HBP1: variants seen among roughly 807,000 people sequenced by gnomAD.
HBP1 encodes HMG-box transcription factor 1, also known as HMG box-containing protein 1.
Under a neutral mutation model 62.6 loss-of-function variants are expected in HBP1, and 20 were observed. The observed-to-expected ratio is 0.32, with a 90% CI of 0.22 to 0.46. The LOEUF (loss-of-function observed/expected upper bound fraction) is 0.46. Ranked by LOEUF, HBP1 falls within the 20% of genes least tolerant of loss-of-function variation. The pLI, the probability that HBP1 is intolerant of heterozygous loss-of-function variation, is 1.00. For synonymous variants in HBP1, 232 were observed against 206.2 expected (o/e 1.12, Z -1.07); for missense variants, 480 against 611.8 (o/e 0.78, Z 2.27).
At chr7:107,169,847 G>A in intron 1 of HBP1, 2 of 985,600 alleles carry the variant, frequency 2.0e-6, no homozygotes, top group Non-Finnish European at 2.4e-6. Flanking sequence ...TGGCGAAAGA[G>A]GGTGGGGGAT....
At chr7:107,186,266 C>T (rs571154462) in intron 4 of HBP1, 95 bp from the exon 5 acceptor site, 4 of 723,378 alleles carry the variant, frequency 5.5e-6, no homozygotes, top group African/African-American at 1.8e-5. Context: ...AGTTATCCAC[C>T]TATAAGCATG....
chr7:107,191,061 G>A (rs142948553), intron 8 of HBP1, among the ~76,000 whole-genome samples: 1 of 152,248 alleles, frequency 6.6e-6, no homozygotes, highest in African/African-American at 2.4e-5. Context: ...GGGATTTAAA[G>A]ACTCATTCTT....
At chr7:107,185,703 T>A (rs549010980) in intron 3 of HBP1, 98 bp from the exon 4 acceptor site, 5 of 876,868 alleles carry the variant, frequency 5.7e-6, no homozygotes, top group Non-Finnish European at 9.0e-6. Flanking sequence ...GTGTTCAATG[T>A]AATAACATTG....
At chr7:107,182,232 T>C (rs905551235) in intron 2 of HBP1, 141 bp from the exon 3 acceptor site, 17 of 611,244 alleles carry the variant, frequency 2.8e-5, no homozygotes, top group African/African-American at 2.2e-4. Context: ...TTCCAGTCTG[T>C]GAACAGAATG....
intron 8 of HBP1, among the ~76,000 whole-genome samples, chr7:107,191,601 T>C (rs935927258): frequency 6.6e-6 from 1 of 152,198 alleles, no homozygotes; most frequent in African/African-American, 2.4e-5. Context: ...TCAATACTTA[T>C]TAACTGGAGA....
chr7:107,196,107 A>G lies in HBP1; in HGVS notation c.1341A>G (p.Lys447=). Residue 447 remains lysine, a synonymous_variant, in exon 9 of 11, where the codon AAA becomes AAG. Coordinates refer to ENST00000222574, the MANE Select transcript of HBP1 (RefSeq NM_012257.4). ...PMNAFMLFAK[K]YRVEYTQMYP... ...ATGCCTTCATGCTTTTTGCCAAAAAATACAGAGTTGAATATACTCAGATGT... is the reference window on the plus strand; with the variant it reads ...ATGCCTTCATGCTTTTTGCCAAAAAGTACAGAGTTGAATATACTCAGATGT... The G allele has an allele frequency of 1.2e-6, 2 of 1,612,052 alleles. No individual in the cohort carries two copies. Among genetic ancestry groups the G allele is most frequent in the Non-Finnish European group, 1.7e-6 (2 of 1,178,050 alleles).
At chr7:107,192,996 C>T (rs1797726300) in intron 8 of HBP1, 3 of 152,142 alleles carry the variant, frequency 2.0e-5, no homozygotes, top group South Asian at 2.1e-4. Context: ...AGCAAATTCT[C>T]GGGTCATGGT....
chr7:107,190,618 T>TA (rs140146388), intron 8 of HBP1, among the ~76,000 whole-genome samples: 3,025 of 152,330 alleles, frequency 0.02, 105 homozygotes, highest in African/African-American at 0.067. Context: ...CTTTGATAGT[T>TA]ACATTTAAAA....
chr7:107,190,072 C>G (rs76692371), intron 7 of HBP1, 101 bp from the exon 8 acceptor site: 2 of 807,022 alleles, frequency 2.5e-6, no homozygotes, highest in African/African-American at 3.5e-5. Flanking sequence ...TGAGACTTAG[C>G]AATAACATTT....
chr7:107,175,996 G>A (rs942022959), intron 1 of HBP1, among the ~76,000 whole-genome samples: 38 of 151,630 alleles, frequency 2.5e-4, no homozygotes, highest in Non-Finnish European at 5.0e-4. Flanking sequence ...GATTACAGGC[G>A]TGAGCCACCG....
chr7:107,177,331 T>C (rs370307576), intron 1 of HBP1, among the ~76,000 whole-genome samples: 2 of 152,156 alleles, frequency 1.3e-5, no homozygotes, highest in East Asian at 3.9e-4. Flanking sequence ...TGCTACACCA[T>C]AATAGTAGCA....
chr7:107,183,385 G>A (rs566955022), intron 3 of HBP1, among the ~76,000 whole-genome samples: 1 of 152,228 alleles, frequency 6.6e-6, no homozygotes, highest in Non-Finnish European at 1.5e-5. Context: ...AAACTTATTA[G>A]GTATGAAATC....
rs1797878181 is a variant in HBP1 at position 107,195,938 on chromosome 7, T to C, written c.1172T>C (p.Phe391Ser). 6.2e-7 allele frequency: 1 copy of C among 1,613,802 alleles called. No individual in the cohort carries two copies. The highest frequency in any genetic ancestry group is 8.5e-7 in the Non-Finnish European group (1 of 1,179,904). ...TGTGGAGGACCTGGTGGTCAAGACT[T>C]TGCAAGATCTGGATTCAGTAAAAAC... ...LSCGGPGGQD[F>S]ARSGFSKNCG... The change falls in exon 9 of 11, where the codon TTT becomes TCT. Residue 391 changes from phenylalanine to serine, a missense_variant. Physicochemically the swap from Phe to Ser is radical, Grantham distance 155. Transcript: ENST00000222574.
intron 7 of HBP1, 40 bp from the exon 8 acceptor site, chr7:107,190,124 GGTGCTTTCT>G (rs765547779): frequency 1.1e-4 from 153 of 1,432,510 alleles, no homozygotes; most frequent in Non-Finnish European, 1.3e-4. Context: ...TCTAAAGTAG[GGTGCTTTCT>G]GTGAGTCCTC....
chr7:107,201,232 A>G (rs1562904564), intron 10 of HBP1, 182 bp from the exon 11 acceptor site: 1 of 456,802 alleles, frequency 2.2e-6, no homozygotes. Flanking sequence ...ATGTCTTATC[A>G]TTGCATACAT....
chr7:107,183,027 T>G (rs913080383), intron 3 of HBP1, among the ~76,000 whole-genome samples: 2 of 152,246 alleles, frequency 1.3e-5, no homozygotes, highest in Admixed American at 1.3e-4. Context: ...TTTGCCTGTT[T>G]GCTAATTCTA....
At chr7:107,171,235 A>G (rs1584470191) in intron 1 of HBP1, among the ~76,000 whole-genome samples, 1 of 150,206 alleles carries the variant, frequency 6.7e-6, no homozygotes, top group Middle Eastern at 3.4e-3. Context: ...ACTCTCAACT[A>G]ATTTTTTTGT....
chr7:107,186,442 C>T lies in HBP1; in HGVS notation c.622C>T (p.Pro208Ser). The change falls in exon 5 of 11, where the codon CCT (proline) becomes TCT (serine). Residue 208 changes from proline to serine, a missense_variant. Coordinates refer to ENST00000222574, the MANE Select transcript of HBP1 (RefSeq NM_012257.4). ...TGATTTGGGATGGTGCAATTCCTGG[C>T]CTTCAACTGTCTGGCACTGTTTTTT... ...DDDLGWCNSW[P>S]STVWHCFLKG... 6.2e-7 allele frequency: 1 copy of T among 1,611,848 alleles called. No individual in the cohort carries two copies. Among genetic ancestry groups the T allele is most frequent in the Non-Finnish European group, 8.5e-7 (1 of 1,178,236 alleles).
At chr7:107,193,380 A>G (rs1272059947) in intron 8 of HBP1, 1 of 152,210 alleles carries the variant, frequency 6.6e-6, no homozygotes, top group Non-Finnish European at 1.5e-5. Context: ...ATTCAAGCCC[A>G]TATCTTGTAA....
Sources: allele counts gnomAD v4.1 joint callset (sites outside exome capture counted in the v4.1 genomes callset), GRCh38; gene constraint gnomAD v4.1.1; transcripts MANE v1.5; gene names NCBI Gene and HGNC (gene_info 2026-07-23, HGNC 2026-07-21).